CADM2: variants seen among roughly 807,000 people sequenced by gnomAD.
CADM2 encodes cell adhesion molecule 2, also known as immunoglobulin superfamily member 4D.
In CADM2, 12 loss-of-function variants were observed where a neutral mutation model predicts 49.8. That is an observed-to-expected ratio of 0.24 (90% CI 0.15 to 0.39). The LOEUF is 0.39. CADM2 is among the 10% of genes least tolerant of loss of function. The pLI is 1.00. For synonymous variants in CADM2, 214 were observed against 175.4 expected, an observed-to-expected ratio of 1.22 and a Z score of -1.74; for missense variants, 378 against 492.3, an observed-to-expected ratio of 0.77 and a Z score of 2.20.
intron 1 of CADM2, among the ~76,000 whole-genome samples, chr3:85,001,717 G>A (rs954430940): frequency 1.3e-5 from 2 of 151,866 alleles, no homozygotes; most frequent in African/African-American, 4.8e-5. Context: ...AAGTGTTGTT[G>A]ATACTCATAG....
intron 1 of CADM2, among the ~76,000 whole-genome samples, chr3:85,383,446 A>C (rs1181944444): frequency 6.7e-6 from 1 of 149,640 alleles, no homozygotes; most frequent in Non-Finnish European, 1.5e-5. Flanking sequence ...TCATATTTTA[A>C]GCATTTCATA....
At chr3:85,741,039 G>A (rs1255438721) in intron 2 of CADM2, among the ~76,000 whole-genome samples, 2 of 152,062 alleles carry the variant, frequency 1.3e-5, no homozygotes, top group South Asian at 2.1e-4. Flanking sequence ...TGCCACTGAA[G>A]CATCAATTTA....
chr3:85,047,966 C>A (rs949637995), intron 1 of CADM2, among the ~76,000 whole-genome samples: 1 of 152,012 alleles, frequency 6.6e-6, no homozygotes, highest in Non-Finnish European at 1.5e-5. Flanking sequence ...AATTAAAGCC[C>A]CAACTTTTAA....
At chr3:85,386,036 C>T (rs886826348) in intron 1 of CADM2, among the ~76,000 whole-genome samples, 27 of 152,062 alleles carry the variant, frequency 1.8e-4, no homozygotes, top group African/African-American at 6.0e-4. Context: ...AACAATCATG[C>T]AGAACAAAGT....
chr3:85,460,279 G>GA (rs71108293), intron 1 of CADM2, among the ~76,000 whole-genome samples: 49,577 of 150,292 alleles, frequency 0.33, 9,233 homozygotes, highest in African/African-American at 0.51. Context: ...GGGAGGTTCA[G>GA]AAAAAAAAAT....
At chr3:85,955,696 T>C (rs1044119291) in intron 7 of CADM2, among the ~76,000 whole-genome samples, 1 of 151,468 alleles carries the variant, frequency 6.6e-6, no homozygotes, top group African/African-American at 2.4e-5. Flanking sequence ...TAAATAAAAA[T>C]CAACATCTGA....
intron 2 of CADM2, among the ~76,000 whole-genome samples, chr3:85,768,498 CTT>C (rs10707034): frequency 2.2e-4 from 33 of 146,936 alleles, no homozygotes; most frequent in African/African-American, 6.9e-4. Context: ...ATTTAAAATA[CTT>C]TTTTTTTTAT....
At chr3:85,020,768 T>G (rs967394343) in intron 1 of CADM2, among the ~76,000 whole-genome samples, 1 of 150,500 alleles carries the variant, frequency 6.6e-6, no homozygotes, top group African/African-American at 2.4e-5. Context: ...GTGTGTATGG[T>G]GTGTGTGTGT....
At chr3:85,908,333 A>T (rs1378339967) in intron 5 of CADM2, among the ~76,000 whole-genome samples, 1 of 148,514 alleles carries the variant, frequency 6.7e-6, no homozygotes, top group Non-Finnish European at 1.5e-5. Context: ...CAGTGCTCGA[A>T]CTTAAATTTG....
At chr3:86,058,002 C>A (rs149814677) in intron 8 of CADM2, among the ~76,000 whole-genome samples, 3 of 152,034 alleles carry the variant, frequency 2.0e-5, no homozygotes, top group East Asian at 1.9e-4. Context: ...CAAGCTGTTT[C>A]GAGATAACTA....
intron 1 of CADM2, among the ~76,000 whole-genome samples, chr3:85,628,151 G>T (rs773298464): frequency 3.3e-5 from 5 of 151,974 alleles, no homozygotes; most frequent in Non-Finnish European, 7.4e-5. Flanking sequence ...TGAAGAAGTG[G>T]ATCCCTGCCA....
At chr3:85,247,095 T>G (rs1253086656) in intron 1 of CADM2, among the ~76,000 whole-genome samples, 1 of 152,078 alleles carries the variant, frequency 6.6e-6, no homozygotes, top group Non-Finnish European at 1.5e-5. Flanking sequence ...CAATTGGCAT[T>G]TGACATCATA....
At chr3:85,519,317 C>T (rs943717758) in intron 1 of CADM2, among the ~76,000 whole-genome samples, 2 of 151,908 alleles carry the variant, frequency 1.3e-5, no homozygotes, top group African/African-American at 4.8e-5. Context: ...TGTACTTGAG[C>T]GATATATTTC....
At chr3:86,022,089 TTGTATACCTTAA>T (rs1415347055) in intron 8 of CADM2, among the ~76,000 whole-genome samples, 1 of 152,166 alleles carries the variant, frequency 6.6e-6, no homozygotes, top group Non-Finnish European at 1.5e-5. Flanking sequence ...TAATATCATG[TTGTATACCTTAA>T]TTATACAAAA....
chr3:85,651,822 C>CTTT (rs201326377), intron 1 of CADM2, among the ~76,000 whole-genome samples: 1 of 140,498 alleles, frequency 7.1e-6, no homozygotes, highest in South Asian at 2.3e-4. Flanking sequence ...TTGTTTTTTT[C>CTTT]TTTTTTTTTT....
chr3:85,765,941 G>A (rs2069633613), intron 2 of CADM2, among the ~76,000 whole-genome samples: 1 of 152,084 alleles, frequency 6.6e-6, no homozygotes, highest in African/African-American at 2.4e-5. Context: ...CTGGCAGCAT[G>A]AATGTTGAAT....
At chr3:85,314,316 C>T (rs903283835) in intron 1 of CADM2, among the ~76,000 whole-genome samples, 5 of 151,596 alleles carry the variant, frequency 3.3e-5, no homozygotes, top group South Asian at 4.2e-4. Context: ...GCTTTATGCA[C>T]GTTTTTTTCT....
chr3:85,261,550 A>G (rs1313953971), intron 1 of CADM2, among the ~76,000 whole-genome samples: 1 of 152,158 alleles, frequency 6.6e-6, no homozygotes, highest in East Asian at 1.9e-4. Flanking sequence ...ATTAATAATT[A>G]TTCTCTTATG....
At chr3:85,070,902 TGGCGTGAACCCAGGAG>T (rs1390992720) in intron 1 of CADM2, among the ~76,000 whole-genome samples, 2 of 151,700 alleles carry the variant, frequency 1.3e-5, no homozygotes, top group African/African-American at 4.8e-5. Context: ...GGCAGGAGAA[TGGCGTGAACCCAGGAG>T]GCGGAAGTTG....
Sources: allele counts gnomAD v4.1 joint callset (sites outside exome capture counted in the v4.1 genomes callset), GRCh38; gene constraint gnomAD v4.1.1; transcripts MANE v1.5; gene names NCBI Gene and HGNC (gene_info 2026-07-23, HGNC 2026-07-21).